STYXL1: variants seen among roughly 807,000 people sequenced by gnomAD.
STYXL1 encodes serine/threonine/tyrosine-interacting-like protein 1.
Under a neutral mutation model 36.4 loss-of-function variants are expected in STYXL1, and 32 were observed. The ratio of observed to expected loss-of-function variants is 0.88; its 90% CI spans 0.66 to 1.18. The LOEUF (loss-of-function observed/expected upper bound fraction) is 1.18. Among genes scored for constraint, STYXL1 ranks in the 50% most tolerant of loss-of-function variants. The pLI, the probability that STYXL1 is intolerant of heterozygous loss-of-function variation, is 0.00. For missense variants in STYXL1, 354 were observed against 394.1 expected, an observed-to-expected ratio of 0.90 and a Z score of 0.86; for synonymous variants, 133 against 144.1, an observed-to-expected ratio of 0.92 and a Z score of 0.55.
intron 5 of STYXL1, among the ~76,000 whole-genome samples, chr7:76,012,558 G>A (rs1261224669): frequency 2.0e-5 from 3 of 152,046 alleles, no homozygotes; most frequent in Admixed American, 6.6e-5. Context: ...CACTATGCCC[G>A]GTGAATTTCT....
At chr7:76,046,277 TGTGTGTGTGTGTGTGTGTGTGTG>T (rs1796965417) in intron 1 of STYXL1, among the ~76,000 whole-genome samples, 1 of 17,962 alleles carries the variant, frequency 5.6e-5, no homozygotes, top group African/African-American at 1.7e-4. Context: ...TTATCTGCTG[TGTGTGTGTGTGTGTGTGTGTGTG>T]TGTGTGTGTG....
intron 5 of STYXL1, among the ~76,000 whole-genome samples, chr7:76,007,053 A>T (rs560939395): frequency 6.6e-6 from 1 of 152,304 alleles, no homozygotes; most frequent in South Asian, 2.1e-4. Context: ...ATTATTCCCT[A>T]AACGATACAG....
chr7:76,027,964 C>T lies in STYXL1; in HGVS notation c.165+678G>A, dbSNP rs1371566070. Reference sequence around the variant, plus strand: ...ATAAAAAATACAAAAATTAGCCAGGCCTGGTGGCATTCCCCATTGTAGTCT... The same window carrying T: ...ATAAAAAATACAAAAATTAGCCAGGTCTGGTGGCATTCCCCATTGTAGTCT... On this transcript the variant is annotated intron_variant, in intron 3 of 8. Transcript: ENST00000359697. Among the ~76,000 whole-genome samples the T allele has an allele frequency of 2.6e-5, 4 of 152,080 alleles. No homozygotes were observed. In the East Asian group the frequency reaches 7.8e-4, roughly 30 times the overall value.
chr7:76,014,351 G>A lies in STYXL1; in HGVS notation c.308-464C>T, dbSNP rs144463115. 2.7e-4 allele frequency among the ~76,000 whole-genome samples: 40 copies of A among 150,662 alleles called. No individual in the cohort carries two copies. The East Asian group carries it at 7.2e-3, about 27-fold the overall frequency. ...AAAATTTTAAAAGTAGCTTACCACC[G>A]GGTTTTTTTTGTTTTTGTTTTTGAG... On this transcript the variant is annotated intron_variant, in intron 4 of 8. Transcript: ENST00000359697.
intron 3 of STYXL1, among the ~76,000 whole-genome samples, chr7:76,023,804 T>G (rs1265806170): frequency 2.0e-5 from 3 of 151,670 alleles, no homozygotes; most frequent in Non-Finnish European, 4.4e-5. Context: ...TCACCTGAGG[T>G]CAGTTCGAGA....
At chr7:76,034,085 G>A (rs1200452113) in intron 1 of STYXL1, among the ~76,000 whole-genome samples, 1 of 152,194 alleles carries the variant, frequency 6.6e-6, no homozygotes, top group African/African-American at 2.4e-5. Context: ...CTGGCCATGG[G>A]CATAACCTAC....
chr7:76,028,354 G>A (rs910434853), intron 3 of STYXL1, among the ~76,000 whole-genome samples: 10 of 152,064 alleles, frequency 6.6e-5, no homozygotes, highest in African/African-American at 1.4e-4. Flanking sequence ...GTTTAAGGCC[G>A]CAGTGAGCTA....
intron 4 of STYXL1, among the ~76,000 whole-genome samples, chr7:76,016,990 C>T (rs983691546): frequency 2.6e-5 from 4 of 152,024 alleles, no homozygotes; most frequent in African/African-American, 9.7e-5. Context: ...AACTCAAGGG[C>T]CCATCAACAA....
intron 3 of STYXL1, among the ~76,000 whole-genome samples, chr7:76,025,452 G>A (rs1479966754): frequency 2.6e-5 from 4 of 152,132 alleles, no homozygotes; most frequent in African/African-American, 9.7e-5. Context: ...CATCATGAGG[G>A]GCTCTGAATC....
intron 1 of STYXL1, among the ~76,000 whole-genome samples, chr7:76,030,850 T>TAAAAAAA (rs1160725857): frequency 1.8e-5 from 1 of 57,084 alleles, no homozygotes; most frequent in Non-Finnish European, 3.2e-5. Flanking sequence ...CCATCTCTAC[T>TAAAAAAA]AAAAAAAAAA....
At chr7:76,005,592 T>G (rs1249069282) in intron 5 of STYXL1, among the ~76,000 whole-genome samples, 188 bp from the exon 6 acceptor site, 2 of 152,096 alleles carry the variant, frequency 1.3e-5, no homozygotes, top group Non-Finnish European at 1.5e-5. Context: ...GGGCGAGTCA[T>G]GACGAAAGGA....
chr7:76,046,333 TGTGTGTGCGC>T (rs1358204285), intron 1 of STYXL1, among the ~76,000 whole-genome samples: 5 of 14,930 alleles, frequency 3.3e-4, no homozygotes, highest in African/African-American at 7.3e-4. Flanking sequence ...TGTGTGTGTG[TGTGTGTGCGC>T]GCGCGCGCGC....
At chr7:76,012,966 C>A (rs1286957468) in intron 5 of STYXL1, among the ~76,000 whole-genome samples, 2 of 152,180 alleles carry the variant, frequency 1.3e-5, no homozygotes, top group Non-Finnish European at 2.9e-5. Flanking sequence ...GGTCCACCAT[C>A]CAGCCTGCCC....
chr7:75,998,301 AT>A (rs58275187), intron 8 of STYXL1, among the ~76,000 whole-genome samples: 6 of 146,728 alleles, frequency 4.1e-5, no homozygotes, highest in Non-Finnish European at 1.5e-5. Flanking sequence ...TGGTCAAGCA[AT>A]TTTTTTTTTT....
chr7:76,037,704 C>T (rs1796053128), intron 1 of STYXL1, among the ~76,000 whole-genome samples: 1 of 149,706 alleles, frequency 6.7e-6, no homozygotes, highest in Non-Finnish European at 1.5e-5. Context: ...CACCCTAACC[C>T]CCAAGACAGT....
intron 1 of STYXL1, among the ~76,000 whole-genome samples, chr7:76,033,581 G>A (rs1303570159): frequency 2.6e-5 from 4 of 152,274 alleles, no homozygotes; most frequent in African/African-American, 9.6e-5. Flanking sequence ...AGAGTTACCA[G>A]ACGATGCTCC....
chr7:76,019,015 C>T (rs1402513751), intron 4 of STYXL1, among the ~76,000 whole-genome samples: 2 of 152,204 alleles, frequency 1.3e-5, no homozygotes, highest in African/African-American at 4.8e-5. Flanking sequence ...TTATTACCAT[C>T]CCAGTGGGCG....
intron 1 of STYXL1, among the ~76,000 whole-genome samples, chr7:76,032,547 C>T (rs1185967504): frequency 6.6e-6 from 1 of 151,902 alleles, no homozygotes; most frequent in African/African-American, 2.4e-5. Flanking sequence ...ACTAAAAATA[C>T]AAAAATTAGC....
chr7:76,032,168 G>A (rs1451671622), intron 1 of STYXL1, among the ~76,000 whole-genome samples: 1 of 151,912 alleles, frequency 6.6e-6, no homozygotes, highest in East Asian at 1.9e-4. Flanking sequence ...AAGGTAGGGG[G>A]GATTGCTTGA....
Sources: allele counts gnomAD v4.1 joint callset (sites outside exome capture counted in the v4.1 genomes callset), GRCh38; gene constraint gnomAD v4.1.1; transcripts MANE v1.5; gene names NCBI Gene and HGNC (gene_info 2026-07-23, HGNC 2026-07-21).